The following ERICH6B variants were observed in gnomAD, a reference collection of about 807,000 sequenced individuals.
ERICH6B encodes the protein glutamate-rich protein 6B.
A neutral mutation model predicts 80.0 loss-of-function variants in ERICH6B; 69 were observed. The ratio of observed to expected loss-of-function variants is 0.86; its 90% CI spans 0.71 to 1.05. ERICH6B has a LOEUF of 1.05. Among genes scored for constraint, ERICH6B ranks in the 50% least tolerant of loss-of-function variants. ERICH6B has a pLI of 0.00. For missense variants in ERICH6B, 754 were observed against 796.1 expected, an observed-to-expected ratio of 0.95 and a Z score of 0.64; for synonymous variants, 283 against 291.9, an observed-to-expected ratio of 0.97 and a Z score of 0.31.
intron 7 of ERICH6B, among the ~76,000 whole-genome samples, chr13:45,576,478 A>G (rs1013112857): frequency 9.2e-5 from 14 of 152,170 alleles, no homozygotes; most frequent in African/African-American, 3.1e-4. Context: ...ATTGAAGAAA[A>G]CCCAGCAAGA....
Position 45,587,026 on chromosome 13 carries a change from C to T in ERICH6B, c.856+37G>A, listed in dbSNP as rs1395308637. ...CATTCCTCCCCTGGCCCACAGAGCC[C>T]GGCTGCGCCTCACCGACAGAGCGCA... is the stretch of plus-strand genomic sequence containing the variant. On this transcript the variant is annotated intron_variant, in intron 5 of 14. Coordinates refer to ENST00000298738, the MANE Select transcript of ERICH6B (RefSeq NM_182542.3). The T allele has an allele frequency of 1.2e-5, 18 of 1,535,964 alleles. No homozygotes were observed. The Admixed American group carries it at 1.6e-4, about 14-fold the overall frequency.
rs774787211 is a variant in ERICH6B, at chr13:45,574,920, A to T, written c.972T>A (p.Phe324Leu). The change falls in exon 8 of 15, where the codon TTT (phenylalanine) becomes TTA (leucine). Residue 324 changes from phenylalanine (F) to leucine (L), a missense_variant. Physicochemically the swap from Phe to Leu is conservative, Grantham distance 22. Transcript: ENST00000298738. ...CATCCCAAAAGTTCTCTTTAGAAGC[A>T]AACTCCAGGACTTTCGATTTTGGAA... ...QQKKEENVLE[F>L]ASKENFWDGI... is the part of the protein sequence containing the mutation. 18 of 1,551,360 alleles carry T rather than the reference A, an allele frequency of 1.2e-5. No individual in the cohort carries two copies. The highest frequency in any genetic ancestry group is 1.6e-5 in the Non-Finnish European group (18 of 1,146,810).
intron 13 of ERICH6B, among the ~76,000 whole-genome samples, 184 bp downstream of exon 13, chr13:45,549,709 G>A (rs1321352941): frequency 6.6e-6 from 1 of 152,226 alleles, no homozygotes; most frequent in Non-Finnish European, 1.5e-5. Context: ...AACGGTGCAG[G>A]AAGAACATCG....
At chr13:45,605,931 C>G (rs1949856952) in intron 2 of ERICH6B, among the ~76,000 whole-genome samples, 2 of 152,290 alleles carry the variant, frequency 1.3e-5, no homozygotes, top group South Asian at 4.2e-4. Context: ...CAACTAAGAA[C>G]CAGGGCAGTG....
intron 4 of ERICH6B, among the ~76,000 whole-genome samples, chr13:45,587,737 C>G (rs914140520): frequency 6.6e-6 from 1 of 152,218 alleles, no homozygotes; most frequent in African/African-American, 2.4e-5. Context: ...GTGTGAGGTG[C>G]AGGCTCCACT....
At chr13:45,608,790 G>A (rs995645360) in intron 1 of ERICH6B, among the ~76,000 whole-genome samples, 7 of 152,182 alleles carry the variant, frequency 4.6e-5, no homozygotes, top group African/African-American at 1.7e-4. Flanking sequence ...CGGATGTAAC[G>A]ATTCAATACA....
intron 2 of ERICH6B, among the ~76,000 whole-genome samples, chr13:45,599,802 G>A (rs1949815290): frequency 6.6e-6 from 1 of 152,208 alleles, no homozygotes; most frequent in Non-Finnish European, 1.5e-5. Flanking sequence ...CATAAGTTTT[G>A]CTTCACAGTG....
intron 8 of ERICH6B, among the ~76,000 whole-genome samples, chr13:45,569,684 A>G (rs1027544057): frequency 2.0e-5 from 3 of 152,232 alleles, no homozygotes; most frequent in Middle Eastern, 3.2e-3. Flanking sequence ...ACAGCAAGTG[A>G]AAGACCAACA....
At chr13:45,574,155 C>T (rs954089003) in intron 8 of ERICH6B, among the ~76,000 whole-genome samples, 14 of 152,134 alleles carry the variant, frequency 9.2e-5, no homozygotes, top group African/African-American at 3.1e-4. Flanking sequence ...CACAAGATTT[C>T]ATTTTTAGGA....
chr13:45,596,720 C>T lies in ERICH6B; in HGVS notation c.286G>A (p.Glu96Lys), dbSNP rs1348953136. 6.4e-7 allele frequency: 1 copy of T among 1,551,890 alleles called. No homozygotes were observed. Among genetic ancestry groups the T allele is most frequent in the Non-Finnish European group, 8.7e-7 (1 of 1,147,032 alleles). The part of the protein sequence containing the change: ...LGKEEHLEEE[E>K]YLEKAGYLEE... ...AGATACCCTGCCTTCTCCAGATACTCTTCCTCCTCCAGATGCTCTTCCTTC... is the reference window on the plus strand; with the variant it reads ...AGATACCCTGCCTTCTCCAGATACTTTTCCTCCTCCAGATGCTCTTCCTTC... The change falls in exon 3 of 15, where the codon GAG becomes AAG. Residue 96 changes from glutamate (E) to lysine (K), a missense_variant. Transcript: ENST00000298738.
chr13:45,541,520 C>T lies in ERICH6B; in HGVS notation c.2033G>A (p.Ser678Asn). Residue 678 changes from serine to asparagine, a missense_variant, in exon 15 of 15, where the codon AGT (serine) becomes AAT (asparagine). By Grantham distance (46) the Ser-to-Asn change is conservative. Transcript: ENST00000298738. The stretch of plus-strand genomic sequence containing the variant: ...GTACTTGTTGTCCATCAGTGATATA[C>T]TGACGGCCTCTATGAAGTTTTCCAG... ...PDLENFIEAV[S>N]ISLMDNKYLK... 1 of 1,552,154 alleles carries T rather than the reference C, an allele frequency of 6.4e-7. No individual in the cohort carries two copies. Among genetic ancestry groups the T allele is most frequent in the Non-Finnish European group, 8.7e-7 (1 of 1,147,088 alleles).
rs147015185 is a variant in ERICH6B, at chr13:45,589,453, C to T, written c.686+1196G>A. Among the ~76,000 whole-genome samples, 15 of 152,326 alleles carry T rather than the reference C, an allele frequency of 9.8e-5. No homozygotes were observed. The East Asian group carries it at 2.3e-3, about 24-fold the overall frequency. ...CAGAACGGAGGATGACACAGATCTG[C>T]GGCACTTACTGAGAGTGTGCTGTAT... On this transcript the variant is annotated intron_variant, in intron 4 of 14. Transcript: ENST00000298738.
chr13:45,556,558 C>A (rs142346872), intron 11 of ERICH6B, among the ~76,000 whole-genome samples: 35 of 152,248 alleles, frequency 2.3e-4, no homozygotes, highest in South Asian at 6.2e-4. Flanking sequence ...CCTTCCTACC[C>A]TTTCCCCTTG....
At chr13:45,556,830 C>T (rs1874462124) in intron 11 of ERICH6B, among the ~76,000 whole-genome samples, 1 of 151,982 alleles carries the variant, frequency 6.6e-6, no homozygotes, top group African/African-American at 2.4e-5. Flanking sequence ...TTTATCCGCT[C>T]ATTTGTTGAA....
At chr13:45,599,604 G>C (rs552223733) in intron 2 of ERICH6B, among the ~76,000 whole-genome samples, 1 of 152,228 alleles carries the variant, frequency 6.6e-6, no homozygotes, top group African/African-American at 2.4e-5. Flanking sequence ...GCAGAGAGAG[G>C]ACTTACTTAT....
At chr13:45,576,696 G>A (rs1005849625) in intron 7 of ERICH6B, among the ~76,000 whole-genome samples, 3 of 151,984 alleles carry the variant, frequency 2.0e-5, no homozygotes, top group Admixed American at 1.3e-4. Context: ...CATCATTTGC[G>A]ATTGCCATAT....
intron 9 of ERICH6B, among the ~76,000 whole-genome samples, chr13:45,566,739 T>C (rs1874929968): frequency 6.6e-6 from 1 of 152,204 alleles, no homozygotes; most frequent in African/African-American, 2.4e-5. Flanking sequence ...TCATGGAGAA[T>C]CTCTGCTAGT....
At chr13:45,601,103 G>A (rs555747168) in intron 2 of ERICH6B, among the ~76,000 whole-genome samples, 6 of 152,204 alleles carry the variant, frequency 3.9e-5, no homozygotes, top group Admixed American at 1.3e-4. Context: ...CTACCCTGAC[G>A]ATGCCTTGAT....
rs1949924402 is a variant in ERICH6B at position 45,615,699 on chromosome 13, C to G, written c.-125G>C. ...GCAGCCCTTACCCAAGCCAGGCTCCCGCGCGTGCATCCACCGCGATCTCAG... is the reference window on the plus strand; with the variant it reads ...GCAGCCCTTACCCAAGCCAGGCTCCGGCGCGTGCATCCACCGCGATCTCAG... On this transcript the variant is annotated 5_prime_UTR_variant, in exon 1 of 15. Coordinates refer to ENST00000298738, the MANE Select transcript of ERICH6B (RefSeq NM_182542.3). 1 of 152,316 alleles carries G rather than the reference C, an allele frequency of 6.6e-6. No individual in the cohort carries two copies. The highest frequency in any genetic ancestry group is 1.5e-5 in the Non-Finnish European group (1 of 68,132). The allele number at this position is 152,316 out of a possible 1,614,324, so 9.4% of individuals were successfully genotyped here. A position where few individuals can be genotyped will look rare whatever the true frequency, so the allele number is the denominator to read the frequency against.
Sources: gnomAD v4.1 joint callset for allele counts (sites outside exome capture counted in the v4.1 genomes callset) on GRCh38, gnomAD v4.1.1 for gene constraint, MANE v1.5 for transcripts, NCBI Gene and HGNC (gene_info 2026-07-23, HGNC 2026-07-21) for gene names.